DLG2: variants seen among roughly 807,000 people sequenced by gnomAD.
DLG2 encodes disks large homolog 2.
Under a neutral mutation model 132.5 loss-of-function variants are expected in DLG2, and 45 were observed. That is an observed-to-expected ratio of 0.34 (90% CI 0.27 to 0.44). The LOEUF (loss-of-function observed/expected upper bound fraction) is 0.44. DLG2 is among the 20% of genes least tolerant of loss of function. The probability of loss-of-function intolerance (pLI) is 1.00; values close to 1 mark genes in which losing one functional copy is unlikely to be tolerated. For missense variants in DLG2, 1,045 were observed against 1,196.9 expected (o/e 0.87, Z 1.87); for synonymous variants, 424 against 419.6 (o/e 1.01, Z -0.13).
intron 18 of DLG2, among the ~76,000 whole-genome samples, chr11:83,750,578 T>C (rs556277205): frequency 1.3e-5 from 2 of 152,316 alleles, no homozygotes; most frequent in African/African-American, 2.4e-5. Context: ...GTTCTACATA[T>C]AGACATTTCA....
In DLG2 at chr11:84,883,226, G is replaced by A. The variant is rs555241199; in HGVS notation, c.357+228435C>T. Among the ~76,000 whole-genome samples the A allele has an allele frequency of 5.9e-5, 9 of 151,956 alleles. 1 individual carries two copies. The highest frequency in any genetic ancestry group is 3.4e-3 in the Middle Eastern group (1 of 294). On this transcript the variant is annotated intron_variant, in intron 6 of 27. Transcript: ENST00000376104. ...ACACAGGAACAGAAAACCAAACACCGCATGTTATCACTCATAAGTGGGAGT... is the reference window on the plus strand; with the variant it reads ...ACACAGGAACAGAAAACCAAACACCACATGTTATCACTCATAAGTGGGAGT...
At chr11:83,869,830 T>C (rs2063088881) in intron 16 of DLG2, among the ~76,000 whole-genome samples, 1 of 152,182 alleles carries the variant, frequency 6.6e-6, no homozygotes, top group Non-Finnish European at 1.5e-5. Flanking sequence ...GTTTTACCAA[T>C]GTGAAAATGC....
chr11:85,279,807 A>G (rs540765673), intron 4 of DLG2, among the ~76,000 whole-genome samples: 5 of 152,152 alleles, frequency 3.3e-5, no homozygotes, highest in Non-Finnish European at 7.4e-5. Context: ...GTGTTACCCT[A>G]CAATAGCATG....
At chr11:84,501,060 T>C (rs2099203073) in intron 7 of DLG2, among the ~76,000 whole-genome samples, 1 of 152,196 alleles carries the variant, frequency 6.6e-6, no homozygotes, top group South Asian at 2.1e-4. Context: ...CAGTTTCCTT[T>C]GTTGTTTGAC....
chr11:84,542,952 T>C (rs1375854567), intron 6 of DLG2, among the ~76,000 whole-genome samples: 1 of 146,184 alleles, frequency 6.8e-6, no homozygotes, highest in East Asian at 2.0e-4. Flanking sequence ...AATCCTTTTC[T>C]CCAGCTTCTT....
At chr11:84,013,368 A>T (rs923829323) in intron 11 of DLG2, among the ~76,000 whole-genome samples, 4 of 152,170 alleles carry the variant, frequency 2.6e-5, no homozygotes, top group African/African-American at 7.2e-5. Context: ...AAAGAGAACA[A>T]GTATCTAATA....
At chr11:83,906,232 G>GTCTCTCTCTCTCTCTCTCTCTCTCTC (rs144862801) in intron 15 of DLG2, among the ~76,000 whole-genome samples, 3 of 71,674 alleles carry the variant, frequency 4.2e-5, no homozygotes, top group African/African-American at 9.4e-5. Context: ...TATAGTAGAT[G>GTCTCTCTCTCTCTCTCTCTCTCTCTC]TCTCTCTCTC....
At chr11:84,089,776 A>G (rs1443590252) in intron 10 of DLG2, among the ~76,000 whole-genome samples, 4 of 152,214 alleles carry the variant, frequency 2.6e-5, no homozygotes, top group Non-Finnish European at 5.9e-5. Context: ...GATTATGCTG[A>G]AGGCTAAGAG....
In DLG2 at chr11:83,990,975, T is replaced by A. The variant is rs545512937; in HGVS notation, c.920-10333A>T. ...CTTAACTTATGAATGTGCATAAGTTTCAGCTAAAAAACAACAAAAAAACCC... is the reference window on the plus strand; with the variant it reads ...CTTAACTTATGAATGTGCATAAGTTACAGCTAAAAAACAACAAAAAAACCC... On this transcript the variant is annotated intron_variant, in intron 11 of 27. Transcript: ENST00000376104. Among the ~76,000 whole-genome samples, 328 of 152,252 alleles carry A rather than the reference T, an allele frequency of 2.2e-3. 1 individual carries two copies. Among genetic ancestry groups the A allele is most frequent in the Non-Finnish European group, 3.6e-3 (243 of 68,012 alleles).
chr11:85,068,370 T>A (rs1239912866), intron 6 of DLG2, among the ~76,000 whole-genome samples: 1 of 152,160 alleles, frequency 6.6e-6, no homozygotes, highest in Non-Finnish European at 1.5e-5. Context: ...TGTCCCTGTT[T>A]GCAGATGACA....
rs758852622 is a variant in DLG2 at position 84,099,015 on chromosome 11, C to G, written c.657G>C (p.Gly219=). 4.3e-5 allele frequency: 70 copies of G among 1,613,268 alleles called. No homozygotes were observed. In the Middle Eastern group the frequency reaches 1.8e-3, roughly 42 times the overall value. ...GNSGLGFSIA[G]GTDNPHIGDD... ...CTCCAATGTGGGGATTATCTGTCCCCCCAGCAATACTGAATCCCAGGCCAG... is the reference window on the plus strand; with the variant it reads ...CTCCAATGTGGGGATTATCTGTCCCGCCAGCAATACTGAATCCCAGGCCAG... Residue 219 remains glycine, a synonymous_variant, in exon 10 of 28, where the codon GGG becomes GGC. Transcript: ENST00000376104.
intron 5 of DLG2, among the ~76,000 whole-genome samples, chr11:85,124,450 C>G (rs941500828): frequency 6.6e-6 from 1 of 152,180 alleles, no homozygotes; most frequent in Non-Finnish European, 1.5e-5. Flanking sequence ...AATATATAAA[C>G]TAATTTGATT....
chr11:84,346,648 G>T (rs573334638), intron 7 of DLG2, among the ~76,000 whole-genome samples: 1 of 152,262 alleles, frequency 6.6e-6, no homozygotes, highest in East Asian at 1.9e-4. Flanking sequence ...CACGATCTTG[G>T]CTCCCTGCAA....
intron 4 of DLG2, among the ~76,000 whole-genome samples, chr11:85,241,991 G>A (rs905433542): frequency 9.9e-5 from 15 of 151,890 alleles, no homozygotes; most frequent in African/African-American, 3.4e-4. Flanking sequence ...CCTGAAAAGA[G>A]GATTCCATAT....
intron 8 of DLG2, among the ~76,000 whole-genome samples, chr11:84,181,208 T>C (rs552429804): frequency 1.3e-4 from 20 of 151,662 alleles, no homozygotes; most frequent in Non-Finnish European, 2.2e-4. Context: ...TACAAGAAAC[T>C]ATGGCAGAAT....
chr11:84,170,805 C>T (rs1048137744), intron 8 of DLG2, among the ~76,000 whole-genome samples: 2 of 152,130 alleles, frequency 1.3e-5, no homozygotes, highest in African/African-American at 4.8e-5. Context: ...AGATAGATAA[C>T]CTCTGAGGTC....
intron 3 of DLG2, among the ~76,000 whole-genome samples, chr11:85,511,758 G>T (rs1176011565): frequency 1.4e-5 from 2 of 145,334 alleles, no homozygotes; most frequent in African/African-American, 2.6e-5. Context: ...ACACTCTGTT[G>T]CCCAGGCTAA....
At chr11:85,486,054 C>T (rs149515511) in intron 3 of DLG2, among the ~76,000 whole-genome samples, 8 of 152,292 alleles carry the variant, frequency 5.3e-5, no homozygotes, top group Non-Finnish European at 8.8e-5. Context: ...GCCCACAGTG[C>T]GCCATCTGAG....
intron 6 of DLG2, among the ~76,000 whole-genome samples, chr11:85,058,462 T>C (rs2068830602): frequency 6.6e-6 from 1 of 151,498 alleles, no homozygotes; most frequent in South Asian, 2.1e-4. Flanking sequence ...ACATAAATCC[T>C]TCTCAAGTTG....
Sources: allele counts gnomAD v4.1 joint callset (sites outside exome capture counted in the v4.1 genomes callset), GRCh38; gene constraint gnomAD v4.1.1; transcripts MANE v1.5; gene names NCBI Gene and HGNC (gene_info 2026-07-23, HGNC 2026-07-21).